C16orf74: variants seen among roughly 807,000 people sequenced by gnomAD.
C16orf74 encodes the protein calcimembrin.
Under a neutral mutation model 6.5 loss-of-function variants are expected in C16orf74, and 10 were observed. That is an observed-to-expected ratio of 1.54 (90% CI 0.95 to 2.61). The LOEUF (loss-of-function observed/expected upper bound fraction) is 2.61, where lower values mean the gene tolerates loss of function less well. Ranked by LOEUF, C16orf74 falls within the 30% of genes most tolerant of loss-of-function variation. The pLI, the probability that C16orf74 is intolerant of heterozygous loss-of-function variation, is 0.00. For synonymous variants in C16orf74, 60 were observed against 42.5 expected (o/e 1.41, Z -1.60); for missense variants, 141 against 105.9 (o/e 1.33, Z -1.45).
intron 3 of C16orf74, among the ~76,000 whole-genome samples, chr16:85,709,493 A>ATGTTAT (rs920744781): frequency 1.2e-5 from 1 of 84,436 alleles, no homozygotes; most frequent in African/African-American, 4.3e-5. Context: ...ACCATCCCCA[A>ATGTTAT]TGTTATTATT....
In C16orf74 at chr16:85,712,947, C is replaced by G. The variant is rs892010220; in HGVS notation, c.29-2640G>C. ...GCCCGGAGAGACAGCAGCCTGCAGC[C>G]TGAGCTCCAAAGTGAGCAATCAATC... On this transcript the variant is annotated intron_variant, in intron 2 of 3. Transcript: ENST00000284245. 1.1e-4 allele frequency among the ~76,000 whole-genome samples: 17 copies of G among 152,340 alleles called. No individual in the cohort carries two copies. In the South Asian group the frequency reaches 1.2e-3, roughly 11 times the overall value.
At position 85,729,610 on chromosome 16, in the gene C16orf74, G is replaced by A. The variant is rs192872620; in HGVS notation, c.28+5580C>T. ...GAACCTCAGAATATGACCTTATTTG[G>A]AAATGAGGTCTTTGCCGATGTAATT... On this transcript the variant is annotated intron_variant, in intron 2 of 3. Transcript: ENST00000284245. 4.3e-4 allele frequency among the ~76,000 whole-genome samples: 65 copies of A among 152,344 alleles called. No individual in the cohort carries two copies. The East Asian group carries it at 6.9e-3, about 16-fold the overall frequency.
chr16:85,717,270 T>G (rs2054035024), intron 2 of C16orf74, among the ~76,000 whole-genome samples: 3 of 152,132 alleles, frequency 2.0e-5, no homozygotes, highest in Non-Finnish European at 4.4e-5. Flanking sequence ...GGACAGCGGT[T>G]CCCATCGCGG....
chr16:85,750,363 G>C (rs908272553), intron 1 of C16orf74, among the ~76,000 whole-genome samples: 40 of 151,914 alleles, frequency 2.6e-4, no homozygotes, highest in Admixed American at 4.6e-4. Flanking sequence ...ACCTCCCCTA[G>C]TTCCGCTCGA....
chr16:85,725,894 C>T (rs527705854), intron 2 of C16orf74, among the ~76,000 whole-genome samples: 13 of 152,276 alleles, frequency 8.5e-5, no homozygotes, highest in Admixed American at 2.0e-4. Context: ...CGCACCTGGC[C>T]TGTATTACTC....
At chr16:85,713,225 T>C (rs1045918889) in intron 2 of C16orf74, among the ~76,000 whole-genome samples, 3 of 152,040 alleles carry the variant, frequency 2.0e-5, no homozygotes, top group Non-Finnish European at 4.4e-5. Flanking sequence ...CATCTCTACC[T>C]CTTGCCTTCA....
In C16orf74 at chr16:85,728,238, G is replaced by A. The variant is rs181947422; in HGVS notation, c.28+6952C>T. Among the ~76,000 whole-genome samples, 110 of 152,274 alleles carry A rather than the reference G, an allele frequency of 7.2e-4. 4 individuals are homozygous for A. In the South Asian group the frequency reaches 0.017, roughly 24 times the overall value. On this transcript the variant is annotated intron_variant, in intron 2 of 3. Coordinates refer to ENST00000284245, the MANE Select transcript of C16orf74 (RefSeq NM_206967.3). ...ATTGGTTTGCTGTAACGAGTGGACC[G>A]TGTGAGTGTAAGTTGTTCATAACAG...
chr16:85,743,018 C>T (rs1188294424), intron 1 of C16orf74, among the ~76,000 whole-genome samples: 1 of 152,168 alleles, frequency 6.6e-6, no homozygotes, highest in East Asian at 1.9e-4. Context: ...CACTAGGTAC[C>T]ACCAGGGCAC....
chr16:85,747,740 G>A (rs1233388983), intron 1 of C16orf74, among the ~76,000 whole-genome samples: 1 of 152,130 alleles, frequency 6.6e-6, no homozygotes, highest in Non-Finnish European at 1.5e-5. Context: ...TTGGTCTACA[G>A]CTTGGTTTTA....
Position 85,747,406 on chromosome 16 carries a change from C to T in C16orf74, c.-19+3520G>A, listed in dbSNP as rs369386690. Reference sequence around the variant, plus strand: ...GGTTGAGGCTGCAGTGAGCCATGATCATGCCACTGCACTCCAGCCTGGGCA... The same window carrying T: ...GGTTGAGGCTGCAGTGAGCCATGATTATGCCACTGCACTCCAGCCTGGGCA... On this transcript the variant is annotated intron_variant, in intron 1 of 3. Transcript: ENST00000284245. 3.3e-5 allele frequency among the ~76,000 whole-genome samples: 5 copies of T among 152,112 alleles called. No individual in the cohort carries two copies. The South Asian group carries it at 1.0e-3, about 32-fold the overall frequency.
At chr16:85,734,701 CAGGACAG>C (rs558596475) in intron 2 of C16orf74, among the ~76,000 whole-genome samples, 97 of 152,334 alleles carry the variant, frequency 6.4e-4, no homozygotes, top group African/African-American at 2.2e-3. Flanking sequence ...CATCCACACA[CAGGACAG>C]AAGTCTGGGC....
At chr16:85,718,088 A>C (rs2054043308) in intron 2 of C16orf74, among the ~76,000 whole-genome samples, 11 of 152,114 alleles carry the variant, frequency 7.2e-5, no homozygotes, top group Admixed American at 5.9e-4. Flanking sequence ...TTTTCATTTC[A>C]TTTAAATTAA....
At chr16:85,748,929 T>TA (rs2054403799) in intron 1 of C16orf74, among the ~76,000 whole-genome samples, 1 of 17,668 alleles carries the variant, frequency 5.7e-5, no homozygotes, top group East Asian at 0.012. Flanking sequence ...GCTTTGATTT[T>TA]TTTTTTTTTT....
At chr16:85,742,076 A>T (rs2054314837) in intron 1 of C16orf74, among the ~76,000 whole-genome samples, 1 of 152,124 alleles carries the variant, frequency 6.6e-6, no homozygotes, top group African/African-American at 2.4e-5. Flanking sequence ...GCTGGCTGTT[A>T]AAAAGAAGCC....
intron 2 of C16orf74, among the ~76,000 whole-genome samples, chr16:85,725,361 A>C (rs112776689): frequency 0.022 from 3,353 of 152,244 alleles, 110 homozygotes; most frequent in African/African-American, 0.077. Context: ...GCCAGTCCCC[A>C]CCGCAGCCCC....
At chr16:85,721,665 C>T (rs974940985) in intron 2 of C16orf74, among the ~76,000 whole-genome samples, 17 of 152,334 alleles carry the variant, frequency 1.1e-4, no homozygotes, top group African/African-American at 3.8e-4. Context: ...GCAGGCCCGT[C>T]ACCCACGGTC....
chr16:85,743,183 G>C (rs926736287), intron 1 of C16orf74: 1 of 152,204 alleles, frequency 6.6e-6, no homozygotes, highest in Non-Finnish European at 1.5e-5. Context: ...CCTTAGATGA[G>C]CTGAAATGTC....
At chr16:85,739,778 G>A (rs1166336664) in intron 1 of C16orf74, among the ~76,000 whole-genome samples, 4 of 152,146 alleles carry the variant, frequency 2.6e-5, no homozygotes. Flanking sequence ...CTACCTGGGA[G>A]ACAGAGCAAG....
chr16:85,733,131 G>C (rs190209496), intron 2 of C16orf74, among the ~76,000 whole-genome samples: 66 of 152,284 alleles, frequency 4.3e-4, no homozygotes, highest in African/African-American at 1.5e-3. Context: ...TGACACAATC[G>C]CCAAAAGGTG....
Sources: allele counts gnomAD v4.1 joint callset (sites outside exome capture counted in the v4.1 genomes callset), GRCh38; gene constraint gnomAD v4.1.1; transcripts MANE v1.5; gene names NCBI Gene and HGNC (gene_info 2026-07-23, HGNC 2026-07-21).